DENND1B: variants seen among roughly 807,000 people sequenced by gnomAD.
DENND1B encodes the protein DENN domain containing 1B, also known as DENN domain-containing protein 1B.
In DENND1B, 59 loss-of-function variants were observed where a neutral mutation model predicts 90.1. The ratio of observed to expected loss-of-function variants is 0.65; its 90% CI spans 0.53 to 0.81. The LOEUF is 0.81. Ranked by LOEUF, DENND1B falls within the 40% of genes least tolerant of loss-of-function variation. DENND1B has a pLI of 0.00. For synonymous variants in DENND1B, 337 were observed against 324.6 expected, an observed-to-expected ratio of 1.04 and a Z score of -0.41; for missense variants, 862 against 912.6, an observed-to-expected ratio of 0.94 and a Z score of 0.71.
chr1:197,510,346 CAAATGCA>C lies in DENND1B; in HGVS notation c.*107_*113del. On this transcript the variant is annotated 3_prime_UTR_variant, in exon 23 of 23. Transcript: ENST00000620048. ...AAATGAACAAGTGAGAAAAATGTTG[CAAATGCA>C]AAAAAAAATTTAAATAGTATGAGTT... The C allele has an allele frequency of 8.0e-7, 1 of 1,249,714 alleles. No homozygotes were observed. Among genetic ancestry groups the C allele is most frequent in the South Asian group, 1.7e-5 (1 of 57,406 alleles). 77.4% of individuals were successfully genotyped at this position (1,249,714 alleles called of 1,614,324 possible).
chr1:197,514,937 T>G (rs1408365146), intron 20 of DENND1B, among the ~76,000 whole-genome samples: 1 of 151,676 alleles, frequency 6.6e-6, no homozygotes, highest in African/African-American at 2.4e-5. Flanking sequence ...CATTTAAATT[T>G]CGAGTCTGGG....
intron 11 of DENND1B, among the ~76,000 whole-genome samples, chr1:197,617,326 GA>G (rs1485045349): frequency 6.6e-6 from 1 of 151,032 alleles, no homozygotes; most frequent in East Asian, 2.0e-4. Flanking sequence ...TGACACCTGG[GA>G]TACTGGGTTC....
At chr1:197,565,206 T>A (rs1479763989) in intron 15 of DENND1B, among the ~76,000 whole-genome samples, 1 of 152,034 alleles carries the variant, frequency 6.6e-6, no homozygotes, top group Non-Finnish European at 1.5e-5. Context: ...CTGTAACAAT[T>A]TTTTATGTTA....
intron 5 of DENND1B, among the ~76,000 whole-genome samples, chr1:197,668,991 C>T (rs1655218021): frequency 6.6e-6 from 1 of 152,054 alleles, no homozygotes; most frequent in Non-Finnish European, 1.5e-5. Context: ...TCATGCATAG[C>T]TGCATATATT....
chr1:197,601,538 A>G (rs1676212788), intron 13 of DENND1B, among the ~76,000 whole-genome samples: 1 of 151,196 alleles, frequency 6.6e-6, no homozygotes, highest in Non-Finnish European at 1.5e-5. Flanking sequence ...AAAAAAAAAT[A>G]TCTGCAGTAA....
chr1:197,674,353 A>G (rs1655838095), intron 3 of DENND1B, among the ~76,000 whole-genome samples, 184 bp from the exon 4 acceptor site: 1 of 152,170 alleles, frequency 6.6e-6, no homozygotes, highest in Admixed American at 6.6e-5. Flanking sequence ...GCTTTGGCAG[A>G]TTGCACTGAC....
chr1:197,758,077 A>T (rs938260917), intron 2 of DENND1B, among the ~76,000 whole-genome samples: 5 of 152,204 alleles, frequency 3.3e-5, no homozygotes. Flanking sequence ...GGAAGAAAGG[A>T]GCGCTAAAGA....
chr1:197,648,596 A>G (rs922999328), intron 7 of DENND1B, among the ~76,000 whole-genome samples: 6 of 152,174 alleles, frequency 3.9e-5, no homozygotes, highest in Non-Finnish European at 8.8e-5. Flanking sequence ...AACTTTATAA[A>G]TATAACACTT....
intron 2 of DENND1B, among the ~76,000 whole-genome samples, chr1:197,729,599 A>G (rs1467683496): frequency 6.6e-6 from 1 of 152,190 alleles, no homozygotes; most frequent in Non-Finnish European, 1.5e-5. Flanking sequence ...CCATACTTCA[A>G]GAAAGAAATA....
At chr1:197,554,478 C>T (rs928160713) in intron 15 of DENND1B, among the ~76,000 whole-genome samples, 10 of 151,962 alleles carry the variant, frequency 6.6e-5, no homozygotes, top group South Asian at 2.1e-4. Flanking sequence ...TCTGTTTGAA[C>T]GGTTAATGAA....
intron 2 of DENND1B, among the ~76,000 whole-genome samples, chr1:197,738,599 A>G (rs1015384337): frequency 3.3e-5 from 5 of 152,218 alleles, no homozygotes; most frequent in Non-Finnish European, 5.9e-5. Context: ...TTCCATGGTA[A>G]CTATATTCCC....
chr1:197,695,255 A>C (rs1658310311), intron 3 of DENND1B, among the ~76,000 whole-genome samples: 1 of 151,118 alleles, frequency 6.6e-6, no homozygotes, highest in Admixed American at 6.6e-5. Context: ...TTTGCCCCTT[A>C]TAATGTTTCG....
intron 16 of DENND1B, among the ~76,000 whole-genome samples, chr1:197,551,371 C>T (rs1244776261): frequency 6.6e-6 from 1 of 152,082 alleles, no homozygotes; most frequent in Admixed American, 6.6e-5. Context: ...AGTACTGGCT[C>T]TCTCAAATTA....
chr1:197,675,603 G>A (rs967800438), intron 3 of DENND1B, among the ~76,000 whole-genome samples: 3 of 152,064 alleles, frequency 2.0e-5, no homozygotes, highest in African/African-American at 7.2e-5. Flanking sequence ...CACTAAACTT[G>A]CAGTAAGTTA....
At chr1:197,656,450 T>C (rs548146307) in intron 6 of DENND1B, among the ~76,000 whole-genome samples, 1 of 152,282 alleles carries the variant, frequency 6.6e-6, no homozygotes, top group South Asian at 2.1e-4. Context: ...TTATAAAGAA[T>C]TTTTAAAACA....
At chr1:197,706,162 A>C (rs1659514173) in intron 3 of DENND1B, among the ~76,000 whole-genome samples, 1 of 152,214 alleles carries the variant, frequency 6.6e-6, no homozygotes, top group Non-Finnish European at 1.5e-5. Context: ...CTTAAATTAT[A>C]GCTAAGTTTG....
chr1:197,647,643 T>C lies in DENND1B; in HGVS notation c.448-529A>G, dbSNP rs909276432. Among the ~76,000 whole-genome samples the C allele has an allele frequency of 2.6e-5, 4 of 152,136 alleles. No homozygotes were observed. The East Asian group carries it at 7.7e-4, about 29-fold the overall frequency. ...AAACAAACATTAACAGCTGATTTTA[T>C]CAATACTTAAGATATTATAACTAGG... On this transcript the variant is annotated intron_variant, in intron 7 of 22. Coordinates refer to ENST00000620048, the MANE Select transcript of DENND1B (RefSeq NM_001195215.2).
intron 2 of DENND1B, among the ~76,000 whole-genome samples, chr1:197,767,343 A>C (rs1655823038): frequency 6.6e-6 from 1 of 151,952 alleles, no homozygotes; most frequent in East Asian, 1.9e-4. Flanking sequence ...ATCACTATAG[A>C]CAAAAAGTTA....
intron 20 of DENND1B, among the ~76,000 whole-genome samples, chr1:197,528,954 C>A (rs578238220): frequency 6.6e-6 from 1 of 151,606 alleles, no homozygotes; most frequent in Non-Finnish European, 1.5e-5. Context: ...GTAAAATAAA[C>A]GTCCACCAGT....
Sources: allele counts gnomAD v4.1 joint callset (sites outside exome capture counted in the v4.1 genomes callset), GRCh38; gene constraint gnomAD v4.1.1; transcripts MANE v1.5; gene names NCBI Gene and HGNC (gene_info 2026-07-23, HGNC 2026-07-21).